SULF1: variants seen among roughly 807,000 people sequenced by gnomAD.
The protein encoded by SULF1 is sulfatase 1, also known as extracellular sulfatase Sulf-1.
A neutral mutation model predicts 110.5 loss-of-function variants in SULF1; 46 were observed. The ratio of observed to expected loss-of-function variants is 0.42; its 90% confidence interval spans 0.33 to 0.53. The LOEUF (loss-of-function observed/expected upper bound fraction) is 0.53, where lower values mean the gene tolerates loss of function less well. Ranked by LOEUF, SULF1 falls within the 20% of genes least tolerant of loss-of-function variation. The pLI is 0.12. For missense variants in SULF1, 941 were observed against 1,094.2 expected (o/e 0.86, Z 1.98); for synonymous variants, 371 against 387.1 (o/e 0.96, Z 0.49).
rs3802275 is a variant in SULF1 at position 69,627,981 on chromosome 8, C to T, written c.2042+115C>T. The T allele has an allele frequency of 0.65, 587,768 of 908,136 alleles. 192,373 individuals are homozygous for T. Among genetic ancestry groups the T allele is most frequent in the African/African-American group, 0.79 (47,627 of 59,960 alleles). 56.3% of individuals were successfully genotyped at this position (908,136 alleles called of 1,614,324 possible). On this transcript the variant is annotated intron_variant, in intron 17 of 22. Coordinates refer to ENST00000402687, the MANE Select transcript of SULF1 (RefSeq NM_001128205.2). ...CTATAGAATGTATTGTCATAGAGTA[C>T]GATAACCTAAGCTATTTAAGTAAAA...
intron 18 of SULF1, among the ~76,000 whole-genome samples, chr8:69,628,725 A>G (rs1270949455): frequency 6.6e-6 from 1 of 152,236 alleles, no homozygotes; most frequent in Non-Finnish European, 1.5e-5. Context: ...AAAAAACAAA[A>G]TAATAAAAAA....
At chr8:69,533,090 T>C (rs542147994) in intron 3 of SULF1, among the ~76,000 whole-genome samples, 106 of 152,336 alleles carry the variant, frequency 7.0e-4, no homozygotes, top group Admixed American at 1.7e-3. Context: ...GTATGCTCAC[T>C]TTTGTGCAAA....
intron 13 of SULF1, among the ~76,000 whole-genome samples, chr8:69,614,156 C>T (rs988526358): frequency 3.9e-5 from 6 of 152,082 alleles, no homozygotes; most frequent in African/African-American, 1.4e-4. Flanking sequence ...GAGTTCTTAC[C>T]GTGTGTTATC....
At chr8:69,475,592 A>G (rs1001720350) in intron 1 of SULF1, among the ~76,000 whole-genome samples, 4 of 152,190 alleles carry the variant, frequency 2.6e-5, no homozygotes, top group Admixed American at 2.6e-4. Context: ...TGGTGGCTCA[A>G]TCTAAAGCTA....
chr8:69,504,603 T>C (rs938071788), intron 3 of SULF1, among the ~76,000 whole-genome samples: 13 of 152,280 alleles, frequency 8.5e-5, no homozygotes, highest in Non-Finnish European at 1.3e-4. Context: ...ATCATTTAGA[T>C]TCACTTGCTC....
intron 19 of SULF1, among the ~76,000 whole-genome samples, chr8:69,634,477 C>T (rs4428680): frequency 0.01 from 1,544 of 152,134 alleles, 22 homozygotes; most frequent in African/African-American, 0.035. Flanking sequence ...AGTTTAAGAG[C>T]GTAAAAGTTG....
At chr8:69,520,045 G>A (rs976710186) in intron 3 of SULF1, among the ~76,000 whole-genome samples, 6 of 150,668 alleles carry the variant, frequency 4.0e-5, no homozygotes, top group Admixed American at 2.7e-4. Flanking sequence ...TAAAATCTGC[G>A]GATATGGGCA....
Position 69,624,184 on chromosome 8 carries a change from C to T in SULF1, c.1837C>T (p.Arg613Ter), listed in dbSNP as rs370193108. The T allele has an allele frequency of 6.3e-7, 1 of 1,583,582 alleles. No individual in the cohort carries two copies. The highest frequency in any genetic ancestry group is 8.6e-7 in the Non-Finnish European group (1 of 1,163,798). The change falls in exon 15 of 23, where the codon CGA becomes TGA. Residue 613 changes from arginine to a stop codon, truncating the protein, a stop_gained. Coordinates refer to ENST00000402687, the MANE Select transcript of SULF1 (RefSeq NM_001128205.2). LOFTEE classifies it high-confidence loss of function. ...SNAVGPPTTV[R>*]VTHKCFILPN... Reference sequence around the variant, plus strand: ...CGCCGTGGGCCCACCTACCACTGTCCGAGTGACACACAAGTAAGAAAGCTT... The same window carrying T: ...CGCCGTGGGCCCACCTACCACTGTCTGAGTGACACACAAGTAAGAAAGCTT...
At chr8:69,647,630 A>G (rs529816702) in intron 22 of SULF1, among the ~76,000 whole-genome samples, 1 of 152,052 alleles carries the variant, frequency 6.6e-6, no homozygotes, top group Non-Finnish European at 1.5e-5. Context: ...GGCTAGGCAC[A>G]GTGGCTCACA....
At chr8:69,528,590 G>T (rs994924749) in intron 3 of SULF1, among the ~76,000 whole-genome samples, 1 of 152,070 alleles carries the variant, frequency 6.6e-6, no homozygotes. Flanking sequence ...CTAAAATTTC[G>T]CTTTTATAAA....
chr8:69,606,814 T>C (rs902846590), intron 13 of SULF1, among the ~76,000 whole-genome samples: 1 of 152,254 alleles, frequency 6.6e-6, no homozygotes, highest in Non-Finnish European at 1.5e-5. Flanking sequence ...TCTTCCACTG[T>C]TTCATTTCGC....
chr8:69,509,840 A>G (rs1252547398), intron 3 of SULF1, among the ~76,000 whole-genome samples: 2 of 152,232 alleles, frequency 1.3e-5, no homozygotes, highest in Non-Finnish European at 2.9e-5. Flanking sequence ...TAAGTGCTGA[A>G]ATGTCCCTCC....
In SULF1 at chr8:69,627,866, G is replaced by A. The variant is rs758963465; in HGVS notation, c.2042G>A (p.Ser681Asn). 6.2e-7 allele frequency: 1 copy of A among 1,609,636 alleles called. No homozygotes were observed. The highest frequency in any genetic ancestry group is 1.3e-5 in the African/African-American group (1 of 74,896). Residue 681 changes from serine (S) to asparagine (N), a missense_variant and splice_region_variant, in exon 17 of 23, where the codon AGC (serine) becomes AAC (asparagine). Transcript: ENST00000402687. ...GAGGAATGTAGCTGCAGTAAACAAAGGTGAGCTTGTTTCCATCCATGCTCC... is the reference window on the plus strand; with the variant it reads ...GAGGAATGTAGCTGCAGTAAACAAAAGTGAGCTTGTTTCCATCCATGCTCC... ...KPEECSCSKQ[S>N]YYNKEKGVKK...
chr8:69,628,315 CCT>C (rs1810259420), intron 18 of SULF1, 79 bp downstream of exon 18: 1 of 1,198,596 alleles, frequency 8.3e-7, no homozygotes, highest in African/African-American at 1.5e-5. Context: ...TGGAGGGACC[CCT>C]GTGTTTCCTG....
chr8:69,559,244 A>G (rs1815315359), intron 3 of SULF1, among the ~76,000 whole-genome samples: 2 of 152,218 alleles, frequency 1.3e-5, no homozygotes, highest in South Asian at 2.1e-4. Context: ...ATCTGAAGCC[A>G]TATCAATGAA....
intron 3 of SULF1, among the ~76,000 whole-genome samples, chr8:69,556,930 A>C (rs12056731): frequency 0.2 from 29,714 of 151,420 alleles, 2,992 homozygotes; most frequent in Middle Eastern, 0.24. Context: ...ACCCTAAAGA[A>C]CCCCCAACAG....
chr8:69,569,937 G>A (rs1178280594), intron 5 of SULF1, among the ~76,000 whole-genome samples: 1 of 143,382 alleles, frequency 7.0e-6, no homozygotes, highest in Non-Finnish European at 1.5e-5. Flanking sequence ...ATTTAATTTT[G>A]TTATTTTTTA....
At chr8:69,575,712 C>G (rs1245735795) in intron 5 of SULF1, among the ~76,000 whole-genome samples, 1 of 152,042 alleles carries the variant, frequency 6.6e-6, no homozygotes, top group Non-Finnish European at 1.5e-5. Context: ...CTTTAATTAT[C>G]AGATTAGCCT....
chr8:69,550,277 A>C (rs1170700008), intron 3 of SULF1, among the ~76,000 whole-genome samples: 3 of 152,068 alleles, frequency 2.0e-5, no homozygotes, highest in African/African-American at 7.2e-5. Context: ...TCTCATTTAA[A>C]AAGAAAAAAA....
Sources: gnomAD v4.1 joint callset for allele counts (sites outside exome capture counted in the v4.1 genomes callset) on GRCh38, gnomAD v4.1.1 for gene constraint, MANE v1.5 for transcripts, NCBI Gene and HGNC (gene_info 2026-07-23, HGNC 2026-07-21) for gene names.